RSRC1: variants seen among roughly 807,000 people sequenced by gnomAD.
RSRC1 encodes the protein serine/Arginine-related protein 53.
Under a neutral mutation model 49.1 loss-of-function variants are expected in RSRC1, and 39 were observed. The ratio of observed to expected loss-of-function variants is 0.79; its 90% CI spans 0.61 to 1.04. The LOEUF (loss-of-function observed/expected upper bound fraction) is 1.04. Ranked by LOEUF, RSRC1 falls within the 50% of genes least tolerant of loss-of-function variation. The probability of loss-of-function intolerance (pLI) is 0.00; values close to 1 mark genes in which losing one functional copy is unlikely to be tolerated. For synonymous variants in RSRC1, 143 were observed against 130.8 expected (o/e 1.09, Z -0.63); for missense variants, 388 against 402.4 (o/e 0.96, Z 0.31).
intron 6 of RSRC1, among the ~76,000 whole-genome samples, chr3:158,425,608 G>T (rs938216588): frequency 1.3e-5 from 2 of 151,820 alleles, no homozygotes; most frequent in African/African-American, 4.8e-5. Flanking sequence ...TCCGCTTGGT[G>T]CAGAGCTGAG....
At chr3:158,179,026 G>A (rs1719430829) in intron 3 of RSRC1, among the ~76,000 whole-genome samples, 1 of 151,748 alleles carries the variant, frequency 6.6e-6, no homozygotes, top group Non-Finnish European at 1.5e-5. Context: ...TTATGGTTTG[G>A]GTCAATGTTA....
At chr3:158,124,999 T>C (rs977102612) in intron 3 of RSRC1, among the ~76,000 whole-genome samples, 1 of 151,912 alleles carries the variant, frequency 6.6e-6, no homozygotes, top group African/African-American at 2.4e-5. Flanking sequence ...AAAATATGTT[T>C]TGTAGAAATC....
intron 5 of RSRC1, among the ~76,000 whole-genome samples, chr3:158,299,178 A>G (rs528664728): frequency 1.3e-5 from 2 of 152,176 alleles, no homozygotes; most frequent in African/African-American, 2.4e-5. Context: ...TTATAACTTC[A>G]TAATAGCACA....
chr3:158,202,000 T>C (rs1316327819), intron 3 of RSRC1, among the ~76,000 whole-genome samples: 1 of 152,182 alleles, frequency 6.6e-6, no homozygotes, highest in Non-Finnish European at 1.5e-5. Flanking sequence ...CATGGTTGGA[T>C]TAAAATGGCA....
intron 3 of RSRC1, among the ~76,000 whole-genome samples, chr3:158,167,193 CT>C (rs750825460): frequency 6.6e-6 from 1 of 151,520 alleles, no homozygotes; most frequent in Non-Finnish European, 1.5e-5. Context: ...CTCTTTTTTT[CT>C]TTTCTTTTTT....
chr3:158,228,186 T>G (rs1722629079), intron 4 of RSRC1, among the ~76,000 whole-genome samples: 1 of 151,998 alleles, frequency 6.6e-6, no homozygotes, highest in Non-Finnish European at 1.5e-5. Flanking sequence ...CTGAACATAA[T>G]AAAATCTCCA....
intron 6 of RSRC1, among the ~76,000 whole-genome samples, chr3:158,427,173 T>G (rs1735491657): frequency 6.6e-6 from 1 of 150,866 alleles, no homozygotes; most frequent in Non-Finnish European, 1.5e-5. Flanking sequence ...ATAGAAATAA[T>G]AAATGATAGC....
intron 3 of RSRC1, among the ~76,000 whole-genome samples, chr3:158,185,936 T>A (rs1191470395): frequency 6.6e-6 from 1 of 152,022 alleles, no homozygotes; most frequent in Non-Finnish European, 1.5e-5. Flanking sequence ...TAGGCTGATA[T>A]TCCAGATGTA....
intron 4 of RSRC1, among the ~76,000 whole-genome samples, chr3:158,244,523 C>T (rs930733793): frequency 3.3e-5 from 5 of 152,124 alleles, no homozygotes; most frequent in African/African-American, 4.8e-5. Context: ...TTCAGTTTTC[C>T]AGCATGTTGT....
intron 6 of RSRC1, among the ~76,000 whole-genome samples, chr3:158,440,591 C>T (rs762971876): frequency 2.6e-5 from 4 of 152,118 alleles, no homozygotes; most frequent in Non-Finnish European, 5.9e-5. Context: ...TTTGCCCACA[C>T]ATGCACGTGT....
intron 3 of RSRC1, among the ~76,000 whole-genome samples, chr3:158,159,943 GTGTT>G (rs1002979258): frequency 4.4e-4 from 67 of 152,262 alleles, no homozygotes; most frequent in African/African-American, 1.3e-3. Flanking sequence ...GTGTGTGTGA[GTGTT>G]TGATCGCTTC....
chr3:158,300,696 A>G (rs1727493111), intron 5 of RSRC1, among the ~76,000 whole-genome samples: 1 of 152,226 alleles, frequency 6.6e-6, no homozygotes, highest in Non-Finnish European at 1.5e-5. Context: ...TAAGAAAAGC[A>G]TCCTGTACAT....
intron 6 of RSRC1, among the ~76,000 whole-genome samples, chr3:158,439,002 A>C (rs79694683): frequency 6.6e-6 from 1 of 152,172 alleles, no homozygotes; most frequent in Non-Finnish European, 1.5e-5. Flanking sequence ...AAGTGGGCGA[A>C]GGATATGAAG....
intron 4 of RSRC1, among the ~76,000 whole-genome samples, chr3:158,247,730 G>C (rs866736538): frequency 1.3e-5 from 2 of 152,114 alleles, no homozygotes; most frequent in Admixed American, 1.3e-4. Context: ...ACCAGTGAAG[G>C]CTGCAAAAAA....
intron 7 of RSRC1, among the ~76,000 whole-genome samples, chr3:158,474,295 A>G (rs538787217): frequency 6.6e-6 from 1 of 152,330 alleles, no homozygotes; most frequent in South Asian, 2.1e-4. Context: ...ACACTATACC[A>G]TAATCTATTA....
chr3:158,447,056 T>C (rs1201143117), intron 6 of RSRC1, among the ~76,000 whole-genome samples: 1 of 152,090 alleles, frequency 6.6e-6, no homozygotes, highest in Non-Finnish European at 1.5e-5. Context: ...GATACAACTC[T>C]TCAGTCTGAA....
Position 158,246,361 on chromosome 3 carries a change from A to G in RSRC1, c.494+43116A>G, listed in dbSNP as rs567714701. ...ATGTATACATATGTAACAAACCTGCACGTTGTGCACATGTACCTTAAAACT... is the reference window on the plus strand; with the variant it reads ...ATGTATACATATGTAACAAACCTGCGCGTTGTGCACATGTACCTTAAAACT... On this transcript the variant is annotated intron_variant, in intron 4 of 9. Coordinates refer to ENST00000611884, the MANE Select transcript of RSRC1 (RefSeq NM_001271838.2). 4.6e-5 allele frequency among the ~76,000 whole-genome samples: 7 copies of G among 151,380 alleles called. No homozygotes were observed. In the South Asian group the frequency reaches 1.3e-3, roughly 27 times the overall value.
intron 4 of RSRC1, chr3:158,225,840 C>A: frequency 1.3e-5 from 4 of 300,098 alleles, no homozygotes; most frequent in Non-Finnish European, 2.6e-5. Flanking sequence ...CAGAGTCCAA[C>A]CTGGAAGGTG....
At chr3:158,117,119 C>G (rs1388261939) in intron 1 of RSRC1, among the ~76,000 whole-genome samples, 1 of 152,072 alleles carries the variant, frequency 6.6e-6, no homozygotes, top group Non-Finnish European at 1.5e-5. Context: ...AAAGGCTAGT[C>G]TCCGTTGTTT....
Sources: gnomAD v4.1 joint callset for allele counts (sites outside exome capture counted in the v4.1 genomes callset) on GRCh38, gnomAD v4.1.1 for gene constraint, MANE v1.5 for transcripts, NCBI Gene and HGNC (gene_info 2026-07-23, HGNC 2026-07-21) for gene names.